Variants in SV2B observed in about 807,000 individuals in gnomAD.
SV2B encodes the protein solute carrier family 22 member B2.
Under a neutral mutation model 73.9 loss-of-function variants are expected in SV2B, and 41 were observed. That is an observed-to-expected ratio of 0.56 (90% CI 0.43 to 0.72). The LOEUF (loss-of-function observed/expected upper bound fraction) is 0.72. SV2B is among the 30% of genes least tolerant of loss of function. The pLI is 0.00. For synonymous variants in SV2B, 314 were observed against 314.2 expected (o/e 1.00, Z 0.01); for missense variants, 764 against 857.8 (o/e 0.89, Z 1.37).
Position 91,261,892 on chromosome 15 carries a change from A to G in SV2B, c.1008+1483A>G, listed in dbSNP as rs1242009253. 1.3e-5 allele frequency among the ~76,000 whole-genome samples: 2 copies of G among 152,244 alleles called. No homozygotes were observed. The highest frequency in any genetic ancestry group is 4.8e-5 in the African/African-American group (2 of 41,458). ...CCATGCTCTGACAAACCAGGAGGCT[A>G]TAGGCATCTTTGTGCACCCGTTTTT... On this transcript the variant is annotated intron_variant, in intron 6 of 12. Transcript: ENST00000394232. The surrounding 1 kb of genome is among the most constrained non-coding windows in gnomAD (Gnocchi z 4.7).
At position 91,292,895 on chromosome 15, in the gene SV2B, A is replaced by G. The variant is rs545024012; in HGVS notation, c.*343A>G. On this transcript the variant is annotated 3_prime_UTR_variant, in exon 13 of 13. Coordinates refer to ENST00000394232, the MANE Select transcript of SV2B (RefSeq NM_001323032.3). ...TGCAAGGACTTAACTTGCGTTTGAAAAGGAATTAGAGGGTCAGAAACACCC... is the reference window on the plus strand; with the variant it reads ...TGCAAGGACTTAACTTGCGTTTGAAGAGGAATTAGAGGGTCAGAAACACCC... 268 of 175,282 alleles carry G rather than the reference A, an allele frequency of 1.5e-3. 1 individual carries two copies. The highest frequency in any genetic ancestry group is 2.8e-3 in the Non-Finnish European group (236 of 83,704). The allele number at this position is 175,282 out of a possible 1,614,324, so 10.9% of individuals were successfully genotyped here.
rs1362967210 is a variant in SV2B, at chr15:91,137,147, T to A, written c.-392+36784T>A. Among the ~76,000 whole-genome samples, 1 of 152,208 alleles carries A rather than the reference T, an allele frequency of 6.6e-6. No individual in the cohort carries two copies. The highest frequency in any genetic ancestry group is 1.5e-5 in the Non-Finnish European group (1 of 68,028). On this transcript the variant is annotated intron_variant, in intron 1 of 12. Coordinates refer to ENST00000394232, the MANE Select transcript of SV2B (RefSeq NM_001323032.3). This position sits in a 1 kb window ranked among gnomAD's most constrained non-coding sequence, Gnocchi z 4.9. ...TGGGAGGTGAGAGGGCCAGGTCACA[T>A]AACCTCCAAATCCCATGTATTTTTT...
rs149049701 is a variant in SV2B at position 91,139,263 on chromosome 15, C to T, written c.-392+38900C>T. Among the ~76,000 whole-genome samples, 219 of 151,982 alleles carry T rather than the reference C, an allele frequency of 1.4e-3. 1 individual carries two copies. The highest frequency in any genetic ancestry group is 4.6e-3 in the African/African-American group (189 of 41,454). ...AGATTGGAATGAGTTGATAATTGTT[C>T]GAGTTAGCTGGTGGGTACATGGTAG... On this transcript the variant is annotated intron_variant, in intron 1 of 12. Coordinates refer to ENST00000394232, the MANE Select transcript of SV2B (RefSeq NM_001323032.3). This position sits in a 1 kb window ranked among gnomAD's most constrained non-coding sequence, Gnocchi z 5.2.
At chr15:91,112,339 T>C (rs2042060236) in intron 1 of SV2B, among the ~76,000 whole-genome samples, 1 of 152,218 alleles carries the variant, frequency 6.6e-6, no homozygotes, top group Admixed American at 6.5e-5. Flanking sequence ...GCCGCTGTCC[T>C]GTGCTTCAGC....
chr15:91,245,181 A>T lies in SV2B; in HGVS notation c.452-6638A>T, dbSNP rs772843680. Among the ~76,000 whole-genome samples the T allele has an allele frequency of 6.6e-6, 1 of 152,158 alleles. No homozygotes were observed. The highest frequency in any genetic ancestry group is 6.5e-5 in the Admixed American group (1 of 15,276). ...CTCTAAAGCTGAGAAGAGGTTTCTG[A>T]TATCTGCCAGCTCTCTAGAAGGATA... On this transcript the variant is annotated intron_variant, in intron 2 of 12. Transcript: ENST00000394232. This position sits in a 1 kb window ranked among gnomAD's most constrained non-coding sequence, Gnocchi z 4.2.
At chr15:91,225,475 A>G (rs2046342396) in intron 1 of SV2B, among the ~76,000 whole-genome samples, 1 of 152,380 alleles carries the variant, frequency 6.6e-6, no homozygotes, top group Middle Eastern at 3.4e-3. Context: ...GTCTTAGAGT[A>G]TAAATCCCTT....
chr15:91,169,394 A>G (rs867221695), intron 1 of SV2B, among the ~76,000 whole-genome samples: 2 of 150,412 alleles, frequency 1.3e-5, no homozygotes, highest in Admixed American at 6.6e-5. Flanking sequence ...ACATCTGTCC[A>G]GTGAACGAAT....
At position 91,253,453 on chromosome 15, in the gene SV2B, G is replaced by A. The variant is rs1326189723; in HGVS notation, c.784+933G>A. 6.6e-6 allele frequency among the ~76,000 whole-genome samples: 1 copy of A among 152,202 alleles called. No individual in the cohort carries two copies. Among genetic ancestry groups the A allele is most frequent in the African/African-American group, 2.4e-5 (1 of 41,442 alleles). ...TGCATGTATATGTTTTTAAGAACAA[G>A]CTTTGGTTTAGACAGTACCTACTGT... On this transcript the variant is annotated intron_variant, in intron 4 of 12. Transcript: ENST00000394232. This position sits in a 1 kb window ranked among gnomAD's most constrained non-coding sequence, Gnocchi z 5.0.
Position 91,198,043 on chromosome 15 carries a change from CA to C in SV2B, c.-391-27827del, listed in dbSNP as rs562366758. On this transcript the variant is annotated intron_variant, in intron 1 of 12. Transcript: ENST00000394232. ...GAGCGAGAGTCCGTCTCAAAACAAA[CA>C]AACAAAAATACACAAAACCTATTTG... Among the ~76,000 whole-genome samples, 62 of 152,088 alleles carry C rather than the reference CA, an allele frequency of 4.1e-4. 1 individual carries two copies. The highest frequency in any genetic ancestry group is 8.4e-4 in the Non-Finnish European group (57 of 68,014).
At chr15:91,200,535 A>G (rs1165625403) in intron 1 of SV2B, among the ~76,000 whole-genome samples, 1 of 152,170 alleles carries the variant, frequency 6.6e-6, no homozygotes, top group Non-Finnish European at 1.5e-5. Flanking sequence ...GGTCAGTGGT[A>G]GCAGACCTGG....
rs1185489272 is a variant in SV2B, at chr15:91,226,204, C to T, written c.-60C>T. The T allele has an allele frequency of 1.9e-6, 3 of 1,539,288 alleles. No homozygotes were observed. The highest frequency in any genetic ancestry group is 1.8e-5 in the Admixed American group (1 of 55,252). On this transcript the variant is annotated 5_prime_UTR_variant, in exon 2 of 13. Transcript: ENST00000394232. The stretch of plus-strand genomic sequence containing the variant: ...TGATGGTTATTGAAATAGCCCAAAC[C>T]TCTACCACAGAGCGAGGGATATAGC...
Position 91,250,066 on chromosome 15 carries a change from G to T in SV2B, c.452-1753G>T, listed in dbSNP as rs145139623. On this transcript the variant is annotated intron_variant, in intron 2 of 12. Transcript: ENST00000394232. Reference sequence around the variant, plus strand: ...GCCAGAGAAGAACACTACAAGGAAAGAAAATTACAGGTCAATATTCCTGAT... The same window carrying T: ...GCCAGAGAAGAACACTACAAGGAAATAAAATTACAGGTCAATATTCCTGAT... Among the ~76,000 whole-genome samples, 469 of 152,246 alleles carry T rather than the reference G, an allele frequency of 3.1e-3. 2 individuals carry two copies. The highest frequency in any genetic ancestry group is 0.017 in the Middle Eastern group (5 of 294).
At chr15:91,260,024 C>A (rs16945469) in intron 5 of SV2B, among the ~76,000 whole-genome samples, 21,816 of 152,068 alleles carry the variant, frequency 0.14, 3,427 homozygotes, top group African/African-American at 0.39. Flanking sequence ...CCCACACCAC[C>A]GTCCATTCAA....
chr15:91,242,133 G>C lies in SV2B; in HGVS notation c.452-9686G>C, dbSNP rs111787763. On this transcript the variant is annotated intron_variant, in intron 2 of 12. Transcript: ENST00000394232. The surrounding 1 kb of genome is among the most constrained non-coding windows in gnomAD (Gnocchi z 4.9). ...TTAGCCACTCTCTCCTCCTTGATGC[G>C]CTTTCTTTATTGGACATCTAAGCTA... 8.0e-3 allele frequency among the ~76,000 whole-genome samples: 1,214 copies of C among 152,226 alleles called. 9 individuals carry two copies. Among genetic ancestry groups the C allele is most frequent in the African/African-American group, 0.028 (1,155 of 41,536 alleles).
At chr15:91,237,950 A>G (rs1346147831) in intron 2 of SV2B, among the ~76,000 whole-genome samples, 1 of 152,154 alleles carries the variant, frequency 6.6e-6, no homozygotes, top group Non-Finnish European at 1.5e-5. Context: ...GATAGTCTGT[A>G]TTTATGCAAT....
intron 1 of SV2B, among the ~76,000 whole-genome samples, chr15:91,166,813 C>CT (rs1567307413): frequency 6.7e-6 from 1 of 148,272 alleles, no homozygotes; most frequent in African/African-American, 2.5e-5. Flanking sequence ...CTTTTGTTTT[C>CT]TTTTCTTTTT....
At chr15:91,102,743 T>C (rs1473395188) in intron 1 of SV2B, among the ~76,000 whole-genome samples, 1 of 151,956 alleles carries the variant, frequency 6.6e-6, no homozygotes. Flanking sequence ...GAGGGCAGGG[T>C]GGGGCTTGTT....
chr15:91,109,705 C>A (rs1351372429), intron 1 of SV2B, among the ~76,000 whole-genome samples: 1 of 152,014 alleles, frequency 6.6e-6, no homozygotes, highest in East Asian at 1.9e-4. Context: ...AGCGGGGAAT[C>A]CAAACTTCTT....
chr15:91,134,004 C>CTTTTTTTCTTTTTTTTTTTTT (rs2042737380), intron 1 of SV2B, among the ~76,000 whole-genome samples: 1 of 106,242 alleles, frequency 9.4e-6, no homozygotes, highest in Non-Finnish European at 1.8e-5. Flanking sequence ...TTCTTTCTTC[C>CTTTTTTTCTTTTTTTTTTTTT]TTTTTTTTTT....
Sources: gnomAD v4.1 joint callset for allele counts (sites outside exome capture counted in the v4.1 genomes callset) on GRCh38, gnomAD v4.1.1 for gene constraint, Gnocchi (gnomAD v3.1) non-coding constraint, MANE v1.5 for transcripts, NCBI Gene and HGNC (gene_info 2026-07-23, HGNC 2026-07-21) for gene names.